Variants in IGF2BP3 observed in about 807,000 individuals in gnomAD.
IGF2BP3 encodes the protein insulin-like growth factor 2 mRNA-binding protein 3.
A neutral mutation model predicts 73.8 loss-of-function variants in IGF2BP3; 9 were observed. The ratio of observed to expected loss-of-function variants is 0.12; its 90% CI spans 0.07 to 0.21. The LOEUF (loss-of-function observed/expected upper bound fraction) is 0.21. Among genes scored for constraint, IGF2BP3 ranks in the 10% least tolerant of loss-of-function variants. IGF2BP3 has a pLI of 1.00. For missense variants in IGF2BP3, 542 were observed against 714.0 expected, an observed-to-expected ratio of 0.76 and a Z score of 2.75; for synonymous variants, 258 against 256.7, an observed-to-expected ratio of 1.01 and a Z score of -0.05.
chr7:23,422,314 G>A (rs1369800015), intron 2 of IGF2BP3, among the ~76,000 whole-genome samples: 1 of 152,126 alleles, frequency 6.6e-6, no homozygotes, highest in Non-Finnish European at 1.5e-5. Context: ...TGTTTATTAA[G>A]AGTAATCCAG....
chr7:23,342,237 G>A, intron 9 of IGF2BP3, 48 bp from the exon 10 acceptor site: 1 of 1,603,222 alleles, frequency 6.2e-7, no homozygotes. Context: ...AAGAATCAAG[G>A]GAAAGTGAGC....
At chr7:23,439,401 A>C (rs1379391468) in intron 2 of IGF2BP3, among the ~76,000 whole-genome samples, 30 of 151,700 alleles carry the variant, frequency 2.0e-4, no homozygotes, top group African/African-American at 6.0e-4. Context: ...AAATACAAAA[A>C]AAAAAAAATT....
At chr7:23,344,129 C>T (rs936040954) in intron 8 of IGF2BP3, among the ~76,000 whole-genome samples, 1 of 152,204 alleles carries the variant, frequency 6.6e-6, no homozygotes, top group East Asian at 1.9e-4. Flanking sequence ...ATAAAGCTTA[C>T]TTCTCAACCG....
chr7:23,397,726 C>A (rs991480374), intron 3 of IGF2BP3, among the ~76,000 whole-genome samples: 4 of 152,200 alleles, frequency 2.6e-5, no homozygotes, highest in Non-Finnish European at 5.9e-5. Context: ...ACTCTCAAGG[C>A]TGTGGTCCTA....
intron 2 of IGF2BP3, among the ~76,000 whole-genome samples, chr7:23,423,066 C>T (rs921609725): frequency 2.0e-5 from 3 of 152,206 alleles, no homozygotes; most frequent in East Asian, 1.9e-4. Flanking sequence ...TGAGCCGCTG[C>T]GCCCAGCCCT....
chr7:23,319,918 C>CTT (rs367871405), intron 10 of IGF2BP3, among the ~76,000 whole-genome samples: 8 of 151,192 alleles, frequency 5.3e-5, no homozygotes, highest in Admixed American at 6.6e-5. Flanking sequence ...CTTCCCTTTG[C>CTT]TTTTTTTTTG....
intron 2 of IGF2BP3, among the ~76,000 whole-genome samples, chr7:23,458,570 C>G (rs570546015): frequency 6.6e-6 from 1 of 152,294 alleles, no homozygotes; most frequent in East Asian, 1.9e-4. Context: ...GAGACAAAGC[C>G]GTGACATCTA....
chr7:23,441,595 A>G (rs1437668137), intron 2 of IGF2BP3, among the ~76,000 whole-genome samples: 1 of 135,000 alleles, frequency 7.4e-6, no homozygotes, highest in Non-Finnish European at 1.6e-5. Context: ...AAAAAAAAAA[A>G]AAAAAAAAAG....
intron 3 of IGF2BP3, among the ~76,000 whole-genome samples, chr7:23,392,097 T>C (rs1786295258): frequency 6.6e-6 from 1 of 152,134 alleles, no homozygotes. Flanking sequence ...AGAGCTAACC[T>C]ACAGAAAGTA....
chr7:23,407,632 C>A (rs1786879169), intron 3 of IGF2BP3, among the ~76,000 whole-genome samples: 3 of 149,400 alleles, frequency 2.0e-5, no homozygotes, highest in South Asian at 4.3e-4. Context: ...AAAAAAACTT[C>A]TGAGAGAAAT....
At chr7:23,415,544 C>T in intron 3 of IGF2BP3, 1 of 274,098 alleles carries the variant, frequency 3.6e-6, no homozygotes, top group Non-Finnish European at 7.1e-6. Context: ...CAGTCGGCAT[C>T]ACCGCATCCG....
intron 5 of IGF2BP3, among the ~76,000 whole-genome samples, chr7:23,354,500 A>G (rs1339807567): frequency 1.3e-5 from 2 of 152,224 alleles, no homozygotes; most frequent in South Asian, 2.1e-4. Context: ...AAAATGGTAG[A>G]TAACTCTCTT....
intron 10 of IGF2BP3, among the ~76,000 whole-genome samples, chr7:23,325,715 CA>C (rs1247569628): frequency 6.6e-6 from 1 of 152,098 alleles, no homozygotes; most frequent in Non-Finnish European, 1.5e-5. Context: ...GGACTGGTAC[CA>C]AAACAGAGAT....
chr7:23,401,603 A>C (rs1372610510), intron 3 of IGF2BP3, among the ~76,000 whole-genome samples: 1 of 151,946 alleles, frequency 6.6e-6, no homozygotes, highest in Non-Finnish European at 1.5e-5. Context: ...TGTCTCTACT[A>C]AAAATACAAA....
chr7:23,446,917 C>T (rs1304900186), intron 2 of IGF2BP3, among the ~76,000 whole-genome samples: 2 of 152,048 alleles, frequency 1.3e-5, no homozygotes, highest in African/African-American at 4.8e-5. Context: ...AATGCCTCAC[C>T]TGGTGCCAGG....
chr7:23,470,146 A>G lies in IGF2BP3; in HGVS notation c.-36T>C, dbSNP rs780039522. On this transcript the variant is annotated 5_prime_UTR_variant, in exon 1 of 15. Transcript: ENST00000258729. ...GGTTGTTTAAAAAAAAATAACGAGA[A>G]AAAACGAAAAATTAAAACCACCCAC... 36 of 1,552,666 alleles carry G rather than the reference A, an allele frequency of 2.3e-5. 1 individual carries two copies. In the Admixed American group the frequency reaches 6.6e-4, roughly 28 times the overall value.
intron 10 of IGF2BP3, among the ~76,000 whole-genome samples, chr7:23,329,181 C>T (rs1323601362): frequency 6.6e-6 from 1 of 151,752 alleles, no homozygotes; most frequent in Admixed American, 6.6e-5. Flanking sequence ...CCATTGCACT[C>T]CAGCCTGGGC....
chr7:23,326,813 A>G (rs1169662292), intron 10 of IGF2BP3, among the ~76,000 whole-genome samples: 3 of 143,394 alleles, frequency 2.1e-5, no homozygotes, highest in Admixed American at 7.1e-5. Context: ...AAACTATCGC[A>G]AGAACAAAAA....
chr7:23,399,271 C>T (rs1036652380), intron 3 of IGF2BP3, among the ~76,000 whole-genome samples: 1 of 152,060 alleles, frequency 6.6e-6, no homozygotes, highest in African/African-American at 2.4e-5. Context: ...TGATCTATAC[C>T]TCTGTTTTGG....
Sources: gnomAD v4.1 joint callset for allele counts (sites outside exome capture counted in the v4.1 genomes callset) on GRCh38, gnomAD v4.1.1 for gene constraint, MANE v1.5 for transcripts, NCBI Gene and HGNC (gene_info 2026-07-23, HGNC 2026-07-21) for gene names.